PSPH: variants seen among roughly 807,000 people sequenced by gnomAD.
PSPH encodes phosphoserine phosphatase, also known as L-3-phosphoserine phosphatase.
Under a neutral mutation model 23.4 loss-of-function variants are expected in PSPH, and 16 were observed. The ratio of observed to expected loss-of-function variants is 0.68; its 90% CI spans 0.46 to 1.04. PSPH has a LOEUF of 1.04. PSPH is among the 50% of genes least tolerant of loss of function. The pLI is 0.00. For missense variants in PSPH, 223 were observed against 273.7 expected (o/e 0.81, Z 1.31); for synonymous variants, 68 against 99.7 (o/e 0.68, Z 1.89).
chr7:56,041,471 G>A (rs28377191), intron 1 of PSPH, among the ~76,000 whole-genome samples: 1 of 151,654 alleles, frequency 6.6e-6, no homozygotes, highest in Non-Finnish European at 1.5e-5. Context: ...TAGGCCTCCC[G>A]AAGTGCTGGG....
Position 56,021,151 on chromosome 7 carries a change from A to G in PSPH, c.62T>C (p.Val21Ala). ...FYSADAVCFD[V>A]DSTVIREEGI... ...TTCTTCTCTGATGACCGTGCTGTCAACATCAAAACACACAGCATCTGCTGA... is the reference window on the plus strand; with the variant it reads ...TTCTTCTCTGATGACCGTGCTGTCAGCATCAAAACACACAGCATCTGCTGA... Residue 21 changes from valine (V) to alanine (A), a missense_variant, in exon 4 of 8, where the codon GTT (valine) becomes GCT (alanine). Transcript: ENST00000275605. 1 of 1,614,224 alleles carries G rather than the reference A, an allele frequency of 6.2e-7. No individual in the cohort carries two copies. The highest frequency in any genetic ancestry group is 8.5e-7 in the Non-Finnish European group (1 of 1,180,004).
chr7:56,024,804 C>CA (rs1789961284), intron 3 of PSPH, among the ~76,000 whole-genome samples: 1 of 130,100 alleles, frequency 7.7e-6, no homozygotes, highest in Non-Finnish European at 1.6e-5. Context: ...ATTAATAAAT[C>CA]TTTTTTTTTT....
At chr7:56,018,869 CT>C (rs1788944100) in intron 5 of PSPH, among the ~76,000 whole-genome samples, 1 of 151,978 alleles carries the variant, frequency 6.6e-6, no homozygotes, top group South Asian at 2.1e-4. Flanking sequence ...ACTTAGGAAG[CT>C]GAGGCAGGAG....
At chr7:56,023,744 C>T (rs1789781630) in intron 3 of PSPH, among the ~76,000 whole-genome samples, 2 of 152,012 alleles carry the variant, frequency 1.3e-5, no homozygotes, top group South Asian at 4.1e-4. Flanking sequence ...CAACCCACTG[C>T]TCAACTGATT....
Position 56,047,888 on chromosome 7 carries a change from G to C in PSPH, c.-292+3250C>G, listed in dbSNP as rs141273905. 9.5e-3 allele frequency among the ~76,000 whole-genome samples: 1,440 copies of C among 152,226 alleles called. 16 individuals are homozygous for C. Among genetic ancestry groups the C allele is most frequent in the African/African-American group, 0.032 (1,317 of 41,560 alleles). ...GCACCATGTTGGCCAGGATGGTCTT[G>C]ATCTCTTGACCTCACGATCCGCCGG... is the stretch of plus-strand genomic sequence containing the variant. On this transcript the variant is annotated intron_variant, in intron 1 of 7. Coordinates refer to ENST00000275605, the MANE Select transcript of PSPH (RefSeq NM_004577.4).
intron 1 of PSPH, among the ~76,000 whole-genome samples, chr7:56,037,420 CTTTT>C (rs533011383): frequency 6.9e-6 from 1 of 145,958 alleles, no homozygotes; most frequent in East Asian, 2.0e-4. Flanking sequence ...GTTTTCTTTC[CTTTT>C]TTTTTTTTTC....
intron 3 of PSPH, among the ~76,000 whole-genome samples, chr7:56,021,823 G>A (rs1192910430): frequency 3.3e-5 from 5 of 151,720 alleles, no homozygotes; most frequent in South Asian, 4.2e-4. Context: ...GGTGGCAGGC[G>A]CCTGTAGTCC....
intron 4 of PSPH, among the ~76,000 whole-genome samples, chr7:56,020,511 G>C (rs2116654647): frequency 6.6e-6 from 1 of 151,870 alleles, no homozygotes; most frequent in Admixed American, 6.6e-5. Context: ...TGTAATCCCA[G>C]CTACTCAAAA....
At chr7:56,039,088 C>G (rs891560136) in intron 1 of PSPH, among the ~76,000 whole-genome samples, 1 of 146,836 alleles carries the variant, frequency 6.8e-6, no homozygotes, top group Non-Finnish European at 1.5e-5. Flanking sequence ...ACCCGGGAGG[C>G]GGAGACCTGT....
At chr7:56,036,577 C>T (rs1486824334) in intron 1 of PSPH, among the ~76,000 whole-genome samples, 4 of 147,936 alleles carry the variant, frequency 2.7e-5, no homozygotes, top group South Asian at 2.2e-4. Context: ...TACAGTGAGC[C>T]GTGATCATGC....
chr7:56,048,796 T>C (rs1793585042), intron 1 of PSPH, among the ~76,000 whole-genome samples: 1 of 56,164 alleles, frequency 1.8e-5, no homozygotes. Flanking sequence ...CACACCTGGC[T>C]TTTTTTTTTT....
At chr7:56,044,686 G>A (rs919240897) in intron 1 of PSPH, among the ~76,000 whole-genome samples, 6 of 152,038 alleles carry the variant, frequency 3.9e-5, no homozygotes, top group Non-Finnish European at 5.9e-5. Flanking sequence ...CTTGAGGCTA[G>A]CTACTTGGGA....
intron 1 of PSPH, among the ~76,000 whole-genome samples, chr7:56,037,167 C>T (rs1264796215): frequency 7.5e-6 from 1 of 132,534 alleles, no homozygotes; most frequent in Non-Finnish European, 1.6e-5. Flanking sequence ...AAGCCAGACT[C>T]TGTCTCAAAA....
intron 1 of PSPH, among the ~76,000 whole-genome samples, chr7:56,034,602 G>A (rs544552476): frequency 1.3e-4 from 20 of 152,102 alleles, no homozygotes; most frequent in East Asian, 9.7e-4. Flanking sequence ...TGCAAGCTCC[G>A]CCTCCTGGAT....
chr7:56,040,664 A>AG (rs1210863470), intron 1 of PSPH, among the ~76,000 whole-genome samples: 1 of 151,824 alleles, frequency 6.6e-6, no homozygotes, highest in African/African-American at 2.4e-5. Context: ...TATGGTGGTG[A>AG]GGGGGGGAAT....
chr7:56,029,163 T>C (rs932244939), intron 3 of PSPH, among the ~76,000 whole-genome samples: 4 of 152,116 alleles, frequency 2.6e-5, no homozygotes, highest in South Asian at 2.1e-4. Context: ...TCACAATCTA[T>C]GCGTATTTAA....
chr7:56,015,427 C>T (rs1337260144), intron 6 of PSPH, among the ~76,000 whole-genome samples: 1 of 152,060 alleles, frequency 6.6e-6, no homozygotes, highest in East Asian at 1.9e-4. Context: ...GTCTGGAACT[C>T]CTAGGCTCAT....
chr7:56,035,857 T>C (rs1432624876), intron 1 of PSPH, among the ~76,000 whole-genome samples: 1 of 151,816 alleles, frequency 6.6e-6, no homozygotes, highest in African/African-American at 2.4e-5. Flanking sequence ...TGACCTCAAA[T>C]GATCTGCCCA....
At chr7:56,036,987 A>G (rs1473179923) in intron 1 of PSPH, among the ~76,000 whole-genome samples, 1 of 152,162 alleles carries the variant, frequency 6.6e-6, no homozygotes, top group Non-Finnish European at 1.5e-5. Context: ...CAGCCTGGCC[A>G]ACATGGCGAA....
Sources: allele counts gnomAD v4.1 joint callset (sites outside exome capture counted in the v4.1 genomes callset), GRCh38; gene constraint gnomAD v4.1.1; transcripts MANE v1.5; gene names NCBI Gene and HGNC (gene_info 2026-07-23, HGNC 2026-07-21).